Variants in AK9 observed in about 807,000 individuals in gnomAD.
AK9 encodes adenylate kinase 9, also known as adenylate kinase domain containing 1.
Under a neutral mutation model 239.6 loss-of-function variants are expected in AK9, and 191 were observed. The ratio of observed to expected loss-of-function variants is 0.80; its 90% CI spans 0.71 to 0.90. The LOEUF is 0.90. AK9 is among the 40% of genes least tolerant of loss of function. AK9 has a pLI of 0.00. For missense variants in AK9, 1,995 were observed against 2,214.7 expected (o/e 0.90, Z 1.99); for synonymous variants, 689 against 721.0 (o/e 0.96, Z 0.71).
intron 12 of AK9, among the ~76,000 whole-genome samples, chr6:109,623,966 A>T (rs956051040): frequency 6.6e-6 from 1 of 151,920 alleles, no homozygotes; most frequent in Non-Finnish European, 1.5e-5. Context: ...TTAAAAAAAT[A>T]ATATGCATTA....
intron 5 of AK9, among the ~76,000 whole-genome samples, chr6:109,666,590 C>T (rs1801234767): frequency 6.6e-6 from 1 of 152,232 alleles, no homozygotes; most frequent in Non-Finnish European, 1.5e-5. Context: ...ACTGTCCAGA[C>T]CACTGCCCAG....
intron 35 of AK9, among the ~76,000 whole-genome samples, chr6:109,500,377 C>A (rs1207216705): frequency 6.6e-6 from 1 of 152,194 alleles, no homozygotes; most frequent in Non-Finnish European, 1.5e-5. Context: ...AGAGAGTTTT[C>A]TCTCTAATAC....
intron 8 of AK9, among the ~76,000 whole-genome samples, chr6:109,649,217 A>G (rs1464507648): frequency 6.6e-6 from 1 of 152,110 alleles, no homozygotes; most frequent in African/African-American, 2.4e-5. Flanking sequence ...CTCCTATTCA[A>G]CATAGTGTTG....
At chr6:109,549,036 G>A (rs992706559) in intron 25 of AK9, among the ~76,000 whole-genome samples, 2 of 152,168 alleles carry the variant, frequency 1.3e-5, no homozygotes, top group Admixed American at 6.5e-5. Context: ...TGCTTATGAT[G>A]AGAGTGCTTT....
chr6:109,615,321 A>G (rs1199746138), intron 13 of AK9, among the ~76,000 whole-genome samples: 2 of 148,744 alleles, frequency 1.3e-5, no homozygotes, highest in African/African-American at 2.5e-5. Flanking sequence ...TAGGGACTTC[A>G]TGTGTCTTGT....
intron 17 of AK9, among the ~76,000 whole-genome samples, chr6:109,603,241 T>G (rs1418208355): frequency 6.6e-6 from 1 of 152,220 alleles, no homozygotes; most frequent in Admixed American, 6.5e-5. Context: ...GACGTACAGA[T>G]GAGGTTTTGG....
At chr6:109,649,472 CT>C (rs1798589908) in intron 8 of AK9, among the ~76,000 whole-genome samples, 1 of 152,010 alleles carries the variant, frequency 6.6e-6, no homozygotes, top group South Asian at 2.1e-4. Flanking sequence ...CATGAGTGAA[CT>C]CCCATTCACA....
At chr6:109,610,699 C>T (rs1157622057) in intron 16 of AK9, among the ~76,000 whole-genome samples, 186 bp from the exon 17 acceptor site, 3 of 152,032 alleles carry the variant, frequency 2.0e-5, no homozygotes, top group Non-Finnish European at 2.9e-5. Flanking sequence ...ATCACAGCAC[C>T]GCAAACTCTC....
intron 13 of AK9, among the ~76,000 whole-genome samples, chr6:109,618,429 G>GA (rs774118344): frequency 0.24 from 27,689 of 115,820 alleles, 2,998 homozygotes; most frequent in South Asian, 0.43. Context: ...GAGAAAAACA[G>GA]AAAAAAAAAA....
chr6:109,610,255 C>T (rs551673744), intron 17 of AK9, 110 bp downstream of exon 17: 781 of 1,318,548 alleles, frequency 5.9e-4, no homozygotes, highest in Admixed American at 2.1e-3. Flanking sequence ...AATTTGAAGG[C>T]TACAAATTTC....
chr6:109,594,157 C>T (rs1790682077), intron 17 of AK9, among the ~76,000 whole-genome samples: 1 of 152,214 alleles, frequency 6.6e-6, no homozygotes, highest in African/African-American at 2.4e-5. Flanking sequence ...TGATAAGCAA[C>T]TTCAGCAAAG....
At chr6:109,532,262 G>T (rs1781374094) in intron 28 of AK9, among the ~76,000 whole-genome samples, 1 of 152,128 alleles carries the variant, frequency 6.6e-6, no homozygotes, top group South Asian at 2.1e-4. Flanking sequence ...GAAATGTCTT[G>T]CTAAGAATGA....
Position 109,633,245 on chromosome 6 carries a change from T to C in AK9, c.1012A>G (p.Thr338Ala). 1 of 1,610,136 alleles carries C rather than the reference T, an allele frequency of 6.2e-7. No homozygotes were observed. Among genetic ancestry groups the C allele is most frequent in the Non-Finnish European group, 8.5e-7 (1 of 1,179,290 alleles). ...YRWQRSKWGR[T>A]CPVNLKDGNI... ...CCATCTTTTAAATTCACAGGACATG[T>C]ACGTCCCCATTTACTTCTTTGCCAT... Residue 338 changes from threonine (T) to alanine (A), a missense_variant, in exon 11 of 41, where the codon ACA becomes GCA. This residue lies in a region of AK9 where 1,290 missense variants were observed against 1,392.7 expected (regional missense o/e 0.93). Coordinates refer to ENST00000424296, the MANE Select transcript of AK9 (RefSeq NM_001145128.3).
chr6:109,683,932 C>T (rs1199945326), intron 1 of AK9, among the ~76,000 whole-genome samples: 2 of 152,176 alleles, frequency 1.3e-5, no homozygotes, highest in Non-Finnish European at 2.9e-5. Flanking sequence ...AAGGAGCTCT[C>T]ATAGCCAAGA....
At chr6:109,602,461 T>C (rs1355078362) in intron 17 of AK9, among the ~76,000 whole-genome samples, 2 of 152,224 alleles carry the variant, frequency 1.3e-5, no homozygotes, top group South Asian at 2.1e-4. Context: ...TCTGGTGGGC[T>C]TCTCTTTGTG....
At chr6:109,551,384 T>C (rs2128165077) in intron 24 of AK9, among the ~76,000 whole-genome samples, 2 of 151,936 alleles carry the variant, frequency 1.3e-5, no homozygotes, top group South Asian at 4.2e-4. Flanking sequence ...CCAGGCATGG[T>C]GGCGCGTGCC....
chr6:109,546,561 C>A lies in AK9; in HGVS notation c.2965-434G>T, dbSNP rs570649347. 9.2e-5 allele frequency among the ~76,000 whole-genome samples: 14 copies of A among 152,152 alleles called. No homozygotes were observed. The South Asian group carries it at 2.9e-3, about 32-fold the overall frequency. On this transcript the variant is annotated intron_variant, in intron 25 of 40. Coordinates refer to ENST00000424296, the MANE Select transcript of AK9 (RefSeq NM_001145128.3). ...GGACTCACATTGTGTGGATCATCCACGGGATGCTGAAACTGTCAAGAACAA... is the reference window on the plus strand; with the variant it reads ...GGACTCACATTGTGTGGATCATCCAAGGGATGCTGAAACTGTCAAGAACAA...
chr6:109,674,204 C>A lies in AK9; in HGVS notation c.175G>T (p.Val59Phe). ...GAAAAAAGATAAAATTTACCTTCAA[C>A]ACGAATACATTTCCATGCCTGTGTT... Reference protein sequence around the residue: ...YITQAWKCIRVEALPILEEQI... With the variant: ...YITQAWKCIRFEALPILEEQI... The change falls in exon 3 of 41, where the codon GTT becomes TTT. Residue 59 changes from valine to phenylalanine, a missense_variant. Physicochemically the swap from Val to Phe is conservative, Grantham distance 50. Transcript: ENST00000424296. The A allele has an allele frequency of 6.3e-7, 1 of 1,576,096 alleles. No individual in the cohort carries two copies. The highest frequency in any genetic ancestry group is 8.6e-7 in the Non-Finnish European group (1 of 1,164,940).
At chr6:109,622,649 T>C (rs919768644) in intron 12 of AK9, among the ~76,000 whole-genome samples, 1 of 147,456 alleles carries the variant, frequency 6.8e-6, no homozygotes, top group Non-Finnish European at 1.5e-5. Context: ...ATATAATGTG[T>C]ATTATAGACA....
Sources: gnomAD v4.1 joint callset for allele counts (sites outside exome capture counted in the v4.1 genomes callset) on GRCh38, gnomAD v4.1.1 for gene constraint, gnomAD v4.1.1 regional missense constraint, MANE v1.5 for transcripts, NCBI Gene and HGNC (gene_info 2026-07-23, HGNC 2026-07-21) for gene names.